DEPDC1B: variants seen among roughly 807,000 people sequenced by gnomAD.
DEPDC1B encodes the protein DEP domain-containing protein 1B.
A neutral mutation model predicts 66.5 loss-of-function variants in DEPDC1B; 51 were observed. The observed-to-expected ratio is 0.77, with a 90% confidence interval of 0.61 to 0.97. The LOEUF is 0.97. Among genes scored for constraint, DEPDC1B ranks in the 50% least tolerant of loss-of-function variants. The pLI, the probability that DEPDC1B is intolerant of heterozygous loss-of-function variation, is 0.00. For missense variants in DEPDC1B, 552 were observed against 637.1 expected (o/e 0.87, Z 1.44); for synonymous variants, 226 against 223.6 (o/e 1.01, Z -0.10).
At chr5:60,659,418 T>C (rs897958192) in intron 2 of DEPDC1B, among the ~76,000 whole-genome samples, 1 of 152,216 alleles carries the variant, frequency 6.6e-6, no homozygotes. Context: ...AACAGTAGCA[T>C]GGCTGCTGGA....
chr5:60,670,228 C>CA (rs1377273250), intron 2 of DEPDC1B, among the ~76,000 whole-genome samples: 4 of 152,014 alleles, frequency 2.6e-5, no homozygotes, highest in African/African-American at 9.7e-5. Flanking sequence ...ACTAAAAATA[C>CA]AAAAAATTAG....
At chr5:60,622,121 G>A (rs1161942092) in intron 7 of DEPDC1B, among the ~76,000 whole-genome samples, 2 of 151,854 alleles carry the variant, frequency 1.3e-5, no homozygotes, top group African/African-American at 4.8e-5. Flanking sequence ...CATTTTAAAT[G>A]TAGAGCTCAG....
chr5:60,678,502 C>T (rs1754221960), intron 2 of DEPDC1B, among the ~76,000 whole-genome samples: 1 of 152,162 alleles, frequency 6.6e-6, no homozygotes, highest in Non-Finnish European at 1.5e-5. Context: ...AAGTGACTAA[C>T]AATCTAGGTG....
At chr5:60,624,533 T>G (rs988248718) in intron 7 of DEPDC1B, among the ~76,000 whole-genome samples, 3 of 152,212 alleles carry the variant, frequency 2.0e-5, no homozygotes, top group African/African-American at 7.2e-5. Flanking sequence ...TCCCTCATCT[T>G]CTATTTTCTG....
intron 2 of DEPDC1B, among the ~76,000 whole-genome samples, chr5:60,679,804 T>C (rs1191582884): frequency 6.6e-6 from 1 of 152,232 alleles, no homozygotes; most frequent in Non-Finnish European, 1.5e-5. Flanking sequence ...TCTCATTAAA[T>C]AATCCAAAAC....
chr5:60,622,518 C>A (rs1447761311), intron 7 of DEPDC1B, among the ~76,000 whole-genome samples: 3 of 152,198 alleles, frequency 2.0e-5, no homozygotes, highest in Non-Finnish European at 2.9e-5. Flanking sequence ...GAACACCACA[C>A]AATTTGTGTG....
intron 2 of DEPDC1B, among the ~76,000 whole-genome samples, chr5:60,662,058 G>A (rs943072651): frequency 5.3e-5 from 8 of 151,978 alleles, no homozygotes; most frequent in Non-Finnish European, 8.8e-5. Flanking sequence ...TAATCTTAAA[G>A]GATAAGTTTA....
chr5:60,598,454 G>A (rs907917834), intron 10 of DEPDC1B, among the ~76,000 whole-genome samples: 7 of 152,100 alleles, frequency 4.6e-5, no homozygotes, highest in African/African-American at 7.2e-5. Context: ...CCACATGTAC[G>A]GTGTTCCCTG....
At chr5:60,685,453 G>A (rs1754392071) in intron 2 of DEPDC1B, among the ~76,000 whole-genome samples, 1 of 151,950 alleles carries the variant, frequency 6.6e-6, no homozygotes, top group East Asian at 1.9e-4. Context: ...TAGAGAAACT[G>A]GAGGAAAAAA....
chr5:60,664,317 AG>A (rs1663658990), intron 2 of DEPDC1B, among the ~76,000 whole-genome samples: 1 of 152,224 alleles, frequency 6.6e-6, no homozygotes, highest in Non-Finnish European at 1.5e-5. Context: ...TGGCAGCAGT[AG>A]CAGTCTTAGT....
intron 1 of DEPDC1B, among the ~76,000 whole-genome samples, chr5:60,699,449 A>AAAAAC (rs1200418563): frequency 2.0e-4 from 12 of 59,118 alleles, no homozygotes; most frequent in Admixed American, 6.1e-4. Flanking sequence ...CCCAGAAAAA[A>AAAAAC]AAAAAAAAAA....
rs11740327 is a variant in DEPDC1B at position 60,603,586 on chromosome 5, G to A, written c.1066-19C>T. On this transcript the variant is annotated intron_variant, in intron 8 of 10. Coordinates refer to ENST00000265036, the MANE Select transcript of DEPDC1B (RefSeq NM_018369.3). Reference sequence around the variant, plus strand: ...GAACCATCTAAAAAAAGAGCGGGGTGGGGGGTAAACGCAGATGAGTATTTT... The same window carrying A: ...GAACCATCTAAAAAAAGAGCGGGGTAGGGGGTAAACGCAGATGAGTATTTT... 822,981 of 1,564,422 alleles carry A rather than the reference G, an allele frequency of 0.53. 222,787 individuals carry two copies. Among genetic ancestry groups the A allele is most frequent in the Admixed American group, 0.59 (29,556 of 49,702 alleles).
chr5:60,657,662 G>A (rs1753608804), intron 2 of DEPDC1B, among the ~76,000 whole-genome samples: 1 of 152,190 alleles, frequency 6.6e-6, no homozygotes, highest in Non-Finnish European at 1.5e-5. Context: ...AAAATCTCCT[G>A]TTAATCTGAT....
intron 1 of DEPDC1B, among the ~76,000 whole-genome samples, chr5:60,688,522 T>C (rs1321717527): frequency 3.9e-5 from 6 of 152,206 alleles, no homozygotes; most frequent in African/African-American, 1.4e-4. Context: ...TGAGATAATG[T>C]TGATGCAGCC....
chr5:60,666,973 C>T (rs1439810141), intron 2 of DEPDC1B, among the ~76,000 whole-genome samples: 1 of 152,172 alleles, frequency 6.6e-6, no homozygotes, highest in Non-Finnish European at 1.5e-5. Flanking sequence ...TTTCTAAATG[C>T]TTGCCACAAA....
rs546896722 is a variant in DEPDC1B at position 60,684,451 on chromosome 5, C to T, written c.314+2511G>A. On this transcript the variant is annotated intron_variant, in intron 2 of 10. Coordinates refer to ENST00000265036, the MANE Select transcript of DEPDC1B (RefSeq NM_018369.3). ...ACTCAGAAATAAATCCATGTGTTTACAACCAAATGATTTTCAACCAAGATG... is the reference window on the plus strand; with the variant it reads ...ACTCAGAAATAAATCCATGTGTTTATAACCAAATGATTTTCAACCAAGATG... 5.3e-5 allele frequency among the ~76,000 whole-genome samples: 8 copies of T among 152,198 alleles called. No homozygotes were observed. In the East Asian group the frequency reaches 1.5e-3, roughly 29 times the overall value.
intron 2 of DEPDC1B, among the ~76,000 whole-genome samples, chr5:60,674,880 A>C (rs1754120882): frequency 1.3e-5 from 2 of 152,194 alleles, no homozygotes; most frequent in Non-Finnish European, 2.9e-5. Context: ...ACAAAGGAGG[A>C]AAAGGAGGCC....
chr5:60,643,217 C>A (rs960612249), intron 5 of DEPDC1B, among the ~76,000 whole-genome samples: 2 of 152,136 alleles, frequency 1.3e-5, no homozygotes, highest in Admixed American at 1.3e-4. Flanking sequence ...AAATATTAGT[C>A]GTCAAACACA....
chr5:60,626,336 G>A (rs1031087027), intron 7 of DEPDC1B, among the ~76,000 whole-genome samples: 1 of 152,132 alleles, frequency 6.6e-6, no homozygotes, highest in Admixed American at 6.5e-5. Flanking sequence ...GGACATTTCA[G>A]TTGTTTCCAC....
Sources: allele counts gnomAD v4.1 joint callset (sites outside exome capture counted in the v4.1 genomes callset), GRCh38; gene constraint gnomAD v4.1.1; transcripts MANE v1.5; gene names NCBI Gene and HGNC (gene_info 2026-07-23, HGNC 2026-07-21).